Variants in MFAP3L observed in about 807,000 individuals in gnomAD.
MFAP3L encodes microfibril associated protein 3 like, also known as microfibrillar-associated protein 3-like.
In MFAP3L, 5 loss-of-function variants were observed where a neutral mutation model predicts 20.0. The observed-to-expected ratio is 0.25, with a 90% CI of 0.13 to 0.53. The LOEUF is 0.53. MFAP3L is among the 20% of genes least tolerant of loss of function. MFAP3L has a pLI of 0.96. For synonymous variants in MFAP3L, 219 were observed against 213.0 expected (o/e 1.03, Z -0.25); for missense variants, 409 against 527.5 (o/e 0.78, Z 2.20).
intron 2 of MFAP3L, chr4:169,994,551 G>C (rs1737993808): frequency 2.1e-6 from 2 of 973,722 alleles, no homozygotes; most frequent in Admixed American, 6.2e-5. Context: ...TTCTGAACGT[G>C]AACTTTGAGT....
intron 1 of MFAP3L, among the ~76,000 whole-genome samples, chr4:170,025,600 ACT>A (rs1438826343): frequency 1.3e-5 from 2 of 151,814 alleles, no homozygotes; most frequent in African/African-American, 2.4e-5. Context: ...TTCTGCAATC[ACT>A]CTGTATTTTA....
intron 2 of MFAP3L, chr4:170,002,099 A>G (rs1738668799): frequency 1.0e-6 from 1 of 974,730 alleles, no homozygotes; most frequent in Non-Finnish European, 1.2e-6. Context: ...GTACACACAC[A>G]TGTTCCGGCA....
At chr4:170,011,824 A>C (rs991859441) in intron 1 of MFAP3L, among the ~76,000 whole-genome samples, 3 of 152,242 alleles carry the variant, frequency 2.0e-5, no homozygotes, top group African/African-American at 7.2e-5. Flanking sequence ...AGTTTGGATG[A>C]GCCAGGAAGA....
In MFAP3L at chr4:170,013,863, G is replaced by T. The variant is rs181762145; in HGVS notation, c.-133-7853C>A. 3.7e-3 allele frequency among the ~76,000 whole-genome samples: 556 copies of T among 152,286 alleles called. 2 individuals carry two copies. The highest frequency in any genetic ancestry group is 0.011 in the African/African-American group (452 of 41,546). On this transcript the variant is annotated intron_variant, in intron 1 of 2. Coordinates refer to ENST00000361618, the MANE Select transcript of MFAP3L (RefSeq NM_021647.8). ...TGCAGTGGCACCACCATGGCTCATC[G>T]TATTAATTGGGTCATTCTTAATTGA...
intron 2 of MFAP3L, among the ~76,000 whole-genome samples, chr4:170,003,203 G>A (rs567788304): frequency 6.6e-6 from 1 of 152,172 alleles, no homozygotes; most frequent in South Asian, 2.1e-4. Context: ...AAACTTGAAA[G>A]TTTTAAAGAG....
At chr4:170,013,487 G>GA (rs1201951361) in intron 1 of MFAP3L, among the ~76,000 whole-genome samples, 3 of 152,104 alleles carry the variant, frequency 2.0e-5, no homozygotes, top group Non-Finnish European at 2.9e-5. Context: ...ATTAGACTTG[G>GA]AAAAACTTGG....
At position 169,989,786 on chromosome 4, in the gene MFAP3L, T is replaced by G. The variant is rs1447852261; in HGVS notation, c.*1592A>C. On this transcript the variant is annotated 3_prime_UTR_variant, in exon 3 of 3. Transcript: ENST00000361618. ...AATTTATTAAGATTACTGTCTCCTT[T>G]GCTTTTAAGGGAAAATTAAATAAAA... The G allele has an allele frequency of 6.6e-6, 1 of 152,238 alleles. No homozygotes were observed. Among genetic ancestry groups the G allele is most frequent in the African/African-American group, 2.4e-5 (1 of 41,464 alleles). The allele number at this position is 152,238 out of a possible 1,614,324, so 9.4% of individuals were successfully genotyped here. A position where few individuals can be genotyped will look rare whatever the true frequency, so the allele number is the denominator to read the frequency against.
Position 169,988,593 on chromosome 4 carries a change from CACTTT to C in MFAP3L, c.*2780_*2784del, listed in dbSNP as rs528402292. The C allele has an allele frequency of 1.4e-3, 212 of 152,276 alleles. No individual in the cohort carries two copies. The highest frequency in any genetic ancestry group is 4.8e-3 in the African/African-American group (198 of 41,578). 9.4% of individuals were successfully genotyped at this position (152,276 alleles called of 1,614,324 possible). A position where few individuals can be genotyped will look rare whatever the true frequency, so the allele number is the denominator to read the frequency against. ...TGAATTTCTATGAAGCTGAACAGTT[CACTTT>C]ATCTTTGAAAAATCAGCTGAAAGTC... On this transcript the variant is annotated 3_prime_UTR_variant, in exon 3 of 3. Transcript: ENST00000361618.
At chr4:170,000,071 A>C (rs1037825406) in intron 2 of MFAP3L, among the ~76,000 whole-genome samples, 5 of 152,226 alleles carry the variant, frequency 3.3e-5, no homozygotes, top group African/African-American at 1.2e-4. Flanking sequence ...CCCAGCTGAG[A>C]ACCACGGGGT....
At chr4:170,005,227 C>T (rs1201656345) in intron 2 of MFAP3L, 1 of 314,046 alleles carries the variant, frequency 3.2e-6, no homozygotes, top group Non-Finnish European at 5.8e-6. Flanking sequence ...ATTGTTTATT[C>T]CAGCCATCTC....
intron 1 of MFAP3L, among the ~76,000 whole-genome samples, chr4:170,015,392 G>C (rs1434266423): frequency 5.3e-5 from 8 of 152,204 alleles, no homozygotes; most frequent in African/African-American, 1.9e-4. Flanking sequence ...AAGAACAAGA[G>C]AGTTCTTGGT....
At chr4:170,016,437 G>C (rs1739706029) in intron 1 of MFAP3L, among the ~76,000 whole-genome samples, 1 of 152,146 alleles carries the variant, frequency 6.6e-6, no homozygotes, top group African/African-American at 2.4e-5. Flanking sequence ...ATTTCCTTTG[G>C]AACCCTCAGG....
chr4:169,999,319 TG>T (rs1738445513), intron 2 of MFAP3L, among the ~76,000 whole-genome samples: 1 of 152,210 alleles, frequency 6.6e-6, no homozygotes, highest in Non-Finnish European at 1.5e-5. Context: ...AAGGTGGGGA[TG>T]GAAGGATTTT....
chr4:169,991,185 C>T lies in MFAP3L; in HGVS notation c.*193G>A, dbSNP rs889978616. The stretch of plus-strand genomic sequence containing the variant: ...GTATCAATTCTGCACCCTGATGTTT[C>T]TCGCACCCTTCTCTACTGGGGAAAT... On this transcript the variant is annotated 3_prime_UTR_variant, in exon 3 of 3. Coordinates refer to ENST00000361618, the MANE Select transcript of MFAP3L (RefSeq NM_021647.8). The surrounding 1 kb of genome is among the most constrained non-coding windows in gnomAD (Gnocchi z 4.9). 1 of 616,356 alleles carries T rather than the reference C, an allele frequency of 1.6e-6. No individual in the cohort carries two copies. The highest frequency in any genetic ancestry group is 2.8e-6 in the Non-Finnish European group (1 of 355,602). The allele number at this position is 616,356 out of a possible 1,614,324, so 38.2% of individuals were successfully genotyped here.
In MFAP3L at chr4:170,005,760, T is replaced by TAAA; in HGVS notation, c.117_118insTTT (p.Thr39_Asn40insPhe). 1.2e-6 allele frequency: 2 copies of TAAA among 1,614,210 alleles called. No homozygotes were observed. The highest frequency in any genetic ancestry group is 2.2e-5 in the South Asian group (2 of 91,086). On this transcript the variant is annotated inframe_insertion, in exon 2 of 3. Transcript: ENST00000361618. ...ACGGGCACAGAGCCCAAGACCACGTTAGTGCCATTTAAAGTGCTGTTAGTC... is the reference window on the plus strand; with the variant it reads ...ACGGGCACAGAGCCCAAGACCACGTTAAAAGTGCCATTTAAAGTGCTGTTAGTC...
chr4:170,002,198 G>A (rs921632451), intron 2 of MFAP3L: 5 of 985,194 alleles, frequency 5.1e-6, no homozygotes, highest in African/African-American at 1.7e-5. Context: ...CTGAGTGAGA[G>A]GCTCTTCAAC....
intron 2 of MFAP3L, among the ~76,000 whole-genome samples, chr4:169,998,276 C>A (rs1306370726): frequency 6.6e-6 from 1 of 152,250 alleles, no homozygotes; most frequent in Non-Finnish European, 1.5e-5. Flanking sequence ...CCTATGGTTA[C>A]AATTAAACCT....
intron 1 of MFAP3L, among the ~76,000 whole-genome samples, chr4:170,010,989 A>G (rs1360933135): frequency 6.6e-6 from 1 of 152,218 alleles, no homozygotes; most frequent in Non-Finnish European, 1.5e-5. Context: ...GAGATAATTG[A>G]ATCATGGGGG....
intron 1 of MFAP3L, among the ~76,000 whole-genome samples, chr4:170,023,364 G>GTTCC (rs1740155937): frequency 6.6e-6 from 1 of 152,136 alleles, no homozygotes; most frequent in African/African-American, 2.4e-5. Context: ...AATGAGTAAA[G>GTTCC]ACCTCAGGTG....
Sources: gnomAD v4.1 joint callset for allele counts (sites outside exome capture counted in the v4.1 genomes callset) on GRCh38, gnomAD v4.1.1 for gene constraint, Gnocchi (gnomAD v3.1) non-coding constraint, MANE v1.5 for transcripts, NCBI Gene and HGNC (gene_info 2026-07-23, HGNC 2026-07-21) for gene names.